OSMR: variants seen among roughly 807,000 people sequenced by gnomAD.
OSMR encodes oncostatin-M-specific receptor subunit beta.
Under a neutral mutation model 99.9 loss-of-function variants are expected in OSMR, and 81 were observed. The ratio of observed to expected loss-of-function variants is 0.81; its 90% CI spans 0.68 to 0.97. The LOEUF is 0.97. Ranked by LOEUF, OSMR falls within the 50% of genes least tolerant of loss-of-function variation. OSMR has a pLI of 0.00. For synonymous variants in OSMR, 406 were observed against 410.4 expected, an observed-to-expected ratio of 0.99 and a Z score of 0.13; for missense variants, 1,099 against 1,153.4, an observed-to-expected ratio of 0.95 and a Z score of 0.68.
chr5:38,944,671 C>T, intron 2 of OSMR: 1 of 1,053,302 alleles, frequency 9.5e-7, no homozygotes, highest in Non-Finnish European at 1.4e-6. Context: ...ACCTAGAGAT[C>T]AATTACACAT....
chr5:38,937,380 G>A (rs1292366030), downstream of OSMR, among the ~76,000 whole-genome samples: 3 of 152,162 alleles, frequency 2.0e-5, no homozygotes, highest in Non-Finnish European at 4.4e-5. This position sits in a 1 kb window ranked among gnomAD's most constrained non-coding sequence, Gnocchi z 4.0. Flanking sequence ...AAGACATTGG[G>A]AAAAAATGAT....
intron 1 of OSMR, among the ~76,000 whole-genome samples, chr5:38,849,058 G>A (rs764811374): frequency 1.4e-4 from 22 of 152,116 alleles, no homozygotes; most frequent in African/African-American, 4.8e-4. Context: ...GATTACAGGC[G>A]TGAGCCACTG....
Position 38,885,460 on chromosome 5 carries a change from C to A in OSMR, c.815C>A (p.Ser272Tyr). The change falls in exon 6 of 18, where the codon TCC (serine) becomes TAC (tyrosine). Residue 272 changes from serine to tyrosine, a missense_variant. Ser to Tyr is a moderately radical substitution (Grantham distance 144, BLOSUM62 -2). Transcript: ENST00000274276. Reference protein sequence around the residue: ...DTALGWSKQPSQSYTLFESFS... With the variant: ...DTALGWSKQPYQSYTLFESFS... ...GCCTTGGGGTGGTCTAAACAACCTT[C>A]CCAAAGCTACACTTTATTTGAATCG... is the stretch of plus-strand genomic sequence containing the variant. 1.9e-6 allele frequency: 3 copies of A among 1,614,052 alleles called. No individual in the cohort carries two copies. The highest frequency in any genetic ancestry group is 2.5e-6 in the Non-Finnish European group (3 of 1,179,922).
chr5:38,884,779 A>G (rs534206059), intron 5 of OSMR, among the ~76,000 whole-genome samples: 1 of 152,210 alleles, frequency 6.6e-6, no homozygotes, highest in Admixed American at 6.5e-5. Flanking sequence ...GGCCTCCTGT[A>G]TTTTGAGCAT....
At chr5:38,899,406 C>T (rs1421354181) in intron 7 of OSMR, among the ~76,000 whole-genome samples, 8 of 152,108 alleles carry the variant, frequency 5.3e-5, no homozygotes, top group Admixed American at 6.5e-5. Context: ...CCCCAAGAGC[C>T]CACTTGTGCT....
intron 14 of OSMR, 132 bp downstream of exon 14, chr5:38,924,727 G>A: frequency 1.2e-6 from 1 of 830,074 alleles, no homozygotes; most frequent in Non-Finnish European, 2.0e-6. Context: ...TACTGGAAAG[G>A]TGTTCTTAAG....
At chr5:38,873,578 G>A (rs1264381357) in intron 2 of OSMR, among the ~76,000 whole-genome samples, 2 of 152,140 alleles carry the variant, frequency 1.3e-5, no homozygotes, top group Admixed American at 1.3e-4. Context: ...TCAACAAGGT[G>A]GAGCCATTTT....
intron 1 of OSMR, among the ~76,000 whole-genome samples, chr5:38,853,711 G>A: frequency 6.6e-6 from 1 of 152,096 alleles, no homozygotes; most frequent in East Asian, 1.9e-4. Context: ...TTTAATCCTA[G>A]CTGATGTCAC....
At chr5:38,862,109 A>C (rs1192752834) in intron 1 of OSMR, among the ~76,000 whole-genome samples, 8 of 52,078 alleles carry the variant, frequency 1.5e-4, no homozygotes, top group Non-Finnish European at 2.3e-4. Flanking sequence ...CTGACCCCCC[A>C]CCTCCCTCCC....
chr5:38,943,855 G>A (rs1016352435), intron 1 of OSMR, among the ~76,000 whole-genome samples: 3 of 152,032 alleles, frequency 2.0e-5, no homozygotes. Flanking sequence ...CCCTGCAGGA[G>A]ACCCTGAGGT....
At chr5:38,848,702 G>A (rs542724137) in intron 1 of OSMR, among the ~76,000 whole-genome samples, 3 of 152,210 alleles carry the variant, frequency 2.0e-5, no homozygotes, top group South Asian at 2.1e-4. Flanking sequence ...TGTACAGCTT[G>A]CTTTTTCACT....
At chr5:38,861,891 C>G (rs1181796052) in intron 1 of OSMR, among the ~76,000 whole-genome samples, 2 of 140,800 alleles carry the variant, frequency 1.4e-5, no homozygotes, top group African/African-American at 2.6e-5. Flanking sequence ...CCCCACCTCC[C>G]TCCCGGACGG....
At chr5:38,855,263 G>A (rs1011003366) in intron 1 of OSMR, among the ~76,000 whole-genome samples, 9 of 152,160 alleles carry the variant, frequency 5.9e-5, no homozygotes, top group African/African-American at 2.2e-4. Flanking sequence ...CTGTACTTCT[G>A]GTTTGGTGAT....
chr5:38,893,193 G>C (rs773124315), intron 7 of OSMR, among the ~76,000 whole-genome samples: 1 of 152,172 alleles, frequency 6.6e-6, no homozygotes, highest in Non-Finnish European at 1.5e-5. Flanking sequence ...AATGAAACCT[G>C]CTGACAGAAG....
intron 15 of OSMR, among the ~76,000 whole-genome samples, chr5:38,929,354 TAA>T (rs1746616190): frequency 6.6e-6 from 1 of 152,212 alleles, no homozygotes; most frequent in Non-Finnish European, 1.5e-5. Context: ...ACAGAGAGGG[TAA>T]ACAGTTTGTT....
chr5:38,883,603 A>G, intron 4 of OSMR: 1 of 595,638 alleles, frequency 1.7e-6, no homozygotes, highest in Non-Finnish European at 2.1e-6. Context: ...TGTCTGTGGC[A>G]GTAAGAGCAA....
chr5:38,855,556 G>T (rs1016743324), intron 1 of OSMR, among the ~76,000 whole-genome samples: 3 of 152,068 alleles, frequency 2.0e-5, no homozygotes, highest in Non-Finnish European at 4.4e-5. Flanking sequence ...TCCATGATGT[G>T]TCACTTTGTC....
intron 2 of OSMR, 151 bp downstream of exon 2, chr5:38,869,268 T>C (rs1742188621): frequency 1.3e-6 from 1 of 751,034 alleles, no homozygotes; most frequent in African/African-American, 1.7e-5. Flanking sequence ...TCAATCTCTC[T>C]AAGCAGTGGT....
At chr5:38,893,735 C>G (rs1007549903) in intron 7 of OSMR, among the ~76,000 whole-genome samples, 2 of 152,142 alleles carry the variant, frequency 1.3e-5, no homozygotes, top group Admixed American at 1.3e-4. Context: ...AAAAAGTAAT[C>G]AATCTGGGAA....
Sources: gnomAD v4.1 joint callset for allele counts (sites outside exome capture counted in the v4.1 genomes callset) on GRCh38, gnomAD v4.1.1 for gene constraint, Gnocchi (gnomAD v3.1) non-coding constraint, MANE v1.5 for transcripts, NCBI Gene and HGNC (gene_info 2026-07-23, HGNC 2026-07-21) for gene names.